Variants in ROCK1 observed in about 807,000 individuals in gnomAD.
ROCK1 encodes rho-associated protein kinase 1.
A neutral mutation model predicts 196.8 loss-of-function variants in ROCK1; 36 were observed. That is an observed-to-expected ratio of 0.18 (90% confidence interval 0.14 to 0.24). The LOEUF is 0.24. Among genes scored for constraint, ROCK1 ranks in the 10% least tolerant of loss-of-function variants. The probability of loss-of-function intolerance (pLI) is 1.00; values close to 1 mark genes in which losing one functional copy is unlikely to be tolerated. For synonymous variants in ROCK1, 443 were observed against 515.9 expected (o/e 0.86, Z 1.91); for missense variants, 920 against 1,562.0 (o/e 0.59, Z 6.93).
chr18:20,968,708 A>G, intron 25 of ROCK1, 64 bp downstream of exon 25: 2 of 942,504 alleles, frequency 2.1e-6, no homozygotes. Context: ...TTTAGGAAAA[A>G]GTGCATAAAG....
Position 21,008,200 on chromosome 18 carries a change from A to G in ROCK1, c.1411-6T>C, listed in dbSNP as rs1367022684. 1 of 1,569,958 alleles carries G rather than the reference A, an allele frequency of 6.4e-7. No individual in the cohort carries two copies. ...AGATTTCTTCTTTGATTTCCCTGGA[A>G]TTATAATGATAAAAGTTACCACTGT... On this transcript the variant is annotated splice_region_variant and splice_polypyrimidine_tract_variant and intron_variant, in intron 13 of 32. Transcript: ENST00000399799.
intron 4 of ROCK1, 54 bp from the exon 5 acceptor site, chr18:21,045,521 G>A: frequency 7.3e-7 from 1 of 1,365,834 alleles, no homozygotes; most frequent in Non-Finnish European, 9.7e-7. Context: ...AAACAAAATT[G>A]TTTCACTTAA....
In ROCK1 at chr18:20,953,705, A is replaced by G; in HGVS notation, c.3934T>C (p.Leu1312=). The G allele has an allele frequency of 1.3e-6, 2 of 1,582,616 alleles. No homozygotes were observed. ...GGATTCTTAGGGATTTTCTTTACTA[A>G]ATGAGTTACCCATTTTTTTTGTTCA... The part of the protein sequence containing the change: ...QDEQKKWVTH[L]VKKIPKNPPS... The change falls in exon 32 of 33, where the codon TTA becomes CTA. Residue 1312 remains leucine (L), a synonymous_variant. Transcript: ENST00000399799.
rs892157375 is a variant in ROCK1, at chr18:20,948,858, G to C, written c.*2526C>G. ...GGAAGTGCCTTTTCTGAGGCAGTGTGCAGACATGAGGTTCTTAAGTGGCAA... is the reference window on the plus strand; with the variant it reads ...GGAAGTGCCTTTTCTGAGGCAGTGTCCAGACATGAGGTTCTTAAGTGGCAA... On this transcript the variant is annotated 3_prime_UTR_variant, in exon 33 of 33. Transcript: ENST00000399799. 6.6e-6 allele frequency: 1 copy of C among 151,992 alleles called. No individual in the cohort carries two copies. The highest frequency in any genetic ancestry group is 1.5e-5 in the Non-Finnish European group (1 of 68,018). The allele number at this position is 151,992 out of a possible 1,614,324, so 9.4% of individuals were successfully genotyped here.
intron 1 of ROCK1, among the ~76,000 whole-genome samples, chr18:21,108,219 C>G (rs1176337612): frequency 1.6e-4 from 24 of 152,168 alleles, no homozygotes; most frequent in Admixed American, 1.5e-3. Context: ...GTTGACTATT[C>G]TCTTTAACAA....
intron 21 of ROCK1, among the ~76,000 whole-genome samples, chr18:20,981,373 C>A (rs2035531760): frequency 6.6e-6 from 1 of 151,660 alleles, no homozygotes; most frequent in African/African-American, 2.4e-5. Flanking sequence ...CCAGCCTGGG[C>A]AAGAGGGTGA....
At chr18:21,058,070 GAACA>G (rs1348526125) in intron 2 of ROCK1, among the ~76,000 whole-genome samples, 3 of 151,934 alleles carry the variant, frequency 2.0e-5, no homozygotes, top group Non-Finnish European at 4.4e-5. Flanking sequence ...CAAAGAAATA[GAACA>G]AACTGTATAC....
At chr18:21,033,091 G>A (rs1210936169) in intron 9 of ROCK1, among the ~76,000 whole-genome samples, 3 of 152,188 alleles carry the variant, frequency 2.0e-5, no homozygotes, top group African/African-American at 7.2e-5. Context: ...TAGCTACTCA[G>A]GAGGCTGAGG....
chr18:21,110,643 A>T (rs1354716725), intron 1 of ROCK1, among the ~76,000 whole-genome samples, 175 bp downstream of exon 1: 4 of 152,216 alleles, frequency 2.6e-5, no homozygotes, highest in Non-Finnish European at 1.5e-5. Flanking sequence ...CAAATGGCAA[A>T]TAGGACCACA....
chr18:21,111,229 C>G lies in ROCK1; in HGVS notation c.-319G>C, dbSNP rs2036749117. The stretch of plus-strand genomic sequence containing the variant: ...GGTGCTTCAGTCTAGCGGGCCCCGG[C>G]CGCCGTCGCCATGGAGGGGTCCCCG... On this transcript the variant is annotated 5_prime_UTR_variant, in exon 1 of 33. Transcript: ENST00000399799. The surrounding 1 kb of genome is among the most constrained non-coding windows in gnomAD (Gnocchi z 4.2). 2 of 498,294 alleles carry G rather than the reference C, an allele frequency of 4.0e-6. No homozygotes were observed. Among genetic ancestry groups the G allele is most frequent in the African/African-American group, 4.0e-5 (2 of 49,906 alleles). The allele number at this position is 498,294 out of a possible 1,614,324, so 30.9% of individuals were successfully genotyped here. A position where few individuals can be genotyped will look rare whatever the true frequency, so the allele number is the denominator to read the frequency against.
chr18:21,051,269 G>A (rs533817944), intron 2 of ROCK1, among the ~76,000 whole-genome samples: 1 of 152,096 alleles, frequency 6.6e-6, no homozygotes, highest in East Asian at 1.9e-4. Context: ...GAAACATGAT[G>A]AAACCCTGTC....
intron 22 of ROCK1, among the ~76,000 whole-genome samples, chr18:20,975,519 AAT>A (rs2035471956): frequency 6.6e-6 from 1 of 152,198 alleles, no homozygotes; most frequent in Non-Finnish European, 1.5e-5. Context: ...CAAGATAATG[AAT>A]AACCTTCAAT....
chr18:21,084,582 T>C (rs1471201516), intron 1 of ROCK1, among the ~76,000 whole-genome samples: 1 of 152,182 alleles, frequency 6.6e-6, no homozygotes, highest in Non-Finnish European at 1.5e-5. Flanking sequence ...AGGATAGTTA[T>C]TATTTTAAAA....
intron 2 of ROCK1, among the ~76,000 whole-genome samples, chr18:21,057,979 T>A (rs1158217269): frequency 6.6e-6 from 1 of 152,230 alleles, no homozygotes; most frequent in Non-Finnish European, 1.5e-5. Context: ...AATAATTTCA[T>A]ATACATAGAG....
intron 1 of ROCK1, among the ~76,000 whole-genome samples, chr18:21,110,406 CA>C (rs35403307): frequency 6.6e-6 from 1 of 151,616 alleles, no homozygotes; most frequent in Non-Finnish European, 1.5e-5. Flanking sequence ...AGCTAAATCG[CA>C]AAAAGGAAAA....
chr18:21,073,136 A>G (rs1371652682), intron 1 of ROCK1, among the ~76,000 whole-genome samples: 1 of 150,434 alleles, frequency 6.6e-6, no homozygotes, highest in Non-Finnish European at 1.5e-5. Flanking sequence ...AGAGGGGCCA[A>G]TCAATGTCAA....
At chr18:21,097,175 A>C (rs755862403) in intron 1 of ROCK1, among the ~76,000 whole-genome samples, 2 of 152,218 alleles carry the variant, frequency 1.3e-5, no homozygotes, top group Non-Finnish European at 2.9e-5. Flanking sequence ...AGGTACACTG[A>C]GACCACATGA....
intron 1 of ROCK1, among the ~76,000 whole-genome samples, chr18:21,082,405 C>T (rs914178194): frequency 5.3e-5 from 8 of 151,994 alleles, no homozygotes; most frequent in Non-Finnish European, 1.0e-4. Context: ...GTTTATGAAA[C>T]ATATGAATAT....
intron 29 of ROCK1, among the ~76,000 whole-genome samples, chr18:20,956,216 G>C (rs1294668885): frequency 1.9e-4 from 28 of 151,064 alleles, no homozygotes. Flanking sequence ...AAGGAGGGAA[G>C]AGACAGGAAA....
Sources: allele counts gnomAD v4.1 joint callset (sites outside exome capture counted in the v4.1 genomes callset), GRCh38; gene constraint gnomAD v4.1.1; non-coding constraint Gnocchi (gnomAD v3.1); transcripts MANE v1.5; gene names NCBI Gene and HGNC (gene_info 2026-07-23, HGNC 2026-07-21).